The following KANK4 variants were observed in gnomAD, a reference collection of about 807,000 sequenced individuals.
KANK4 encodes the protein KN motif and ankyrin repeat domains 4.
KANK4 carries 50 observed loss-of-function variants against 80.8 expected under a neutral mutation model. The observed-to-expected ratio is 0.62, with a 90% CI of 0.49 to 0.78. KANK4 has a LOEUF of 0.78. Ranked by LOEUF, KANK4 falls within the 30% of genes least tolerant of loss-of-function variation. The probability of loss-of-function intolerance (pLI) is 0.00; values close to 1 mark genes in which losing one functional copy is unlikely to be tolerated. For missense variants in KANK4, 1,196 were observed against 1,240.1 expected, an observed-to-expected ratio of 0.96 and a Z score of 0.53; for synonymous variants, 465 against 506.9, an observed-to-expected ratio of 0.92 and a Z score of 1.11.
chr1:62,278,344 C>T lies in KANK4; in HGVS notation c.16+3205G>A, dbSNP rs57877072. On this transcript the variant is annotated intron_variant, in intron 2 of 9. Transcript: ENST00000371153. ...TTCTTCCTTCCTTCCTTCCTTCCTTCCTTCCTTCCTTCCTTCCTTCCTTCC... is the reference window on the plus strand; with the variant it reads ...TTCTTCCTTCCTTCCTTCCTTCCTTTCTTCCTTCCTTCCTTCCTTCCTTCC... 3.4e-3 allele frequency among the ~76,000 whole-genome samples: 36 copies of T among 10,686 alleles called. 2 individuals carry two copies. The highest frequency in any genetic ancestry group is 0.025 in the African/African-American group (23 of 908). 7.0% of individuals were successfully genotyped at this position (10,686 alleles called of 152,430 possible).
Position 62,292,834 on chromosome 1 carries a change from C to T in KANK4, c.-70-11200G>A, listed in dbSNP as rs911439024. 2.0e-5 allele frequency among the ~76,000 whole-genome samples: 3 copies of T among 152,198 alleles called. No homozygotes were observed. In the East Asian group the frequency reaches 5.8e-4, roughly 29 times the overall value. On this transcript the variant is annotated intron_variant, in intron 1 of 9. Transcript: ENST00000371153. The stretch of plus-strand genomic sequence containing the variant: ...AATCCAACAGACACGGGTTCAAATG[C>T]TGCTTTTCCTATATATTGAGACCTT...
chr1:62,276,709 G>A (rs112362329), intron 2 of KANK4, among the ~76,000 whole-genome samples: 1 of 150,058 alleles, frequency 6.7e-6, no homozygotes, highest in African/African-American at 2.5e-5. Flanking sequence ...CCCAGGAGGC[G>A]AAGGTTGCAG....
intron 8 of KANK4, among the ~76,000 whole-genome samples, chr1:62,250,315 T>C (rs911444294): frequency 1.3e-5 from 2 of 152,196 alleles, no homozygotes; most frequent in African/African-American, 4.8e-5. Flanking sequence ...CCAGATGACA[T>C]ATGCAGATGG....
At chr1:62,254,371 C>T (rs1004252800) in intron 7 of KANK4, among the ~76,000 whole-genome samples, 13 of 147,638 alleles carry the variant, frequency 8.8e-5, no homozygotes, top group Non-Finnish European at 1.8e-4. Flanking sequence ...CTCAGCCTCT[C>T]GAGTAGCCTG....
chr1:62,303,810 T>A (rs756843797), intron 1 of KANK4, among the ~76,000 whole-genome samples: 16 of 152,104 alleles, frequency 1.1e-4, no homozygotes, highest in South Asian at 6.2e-4. Flanking sequence ...TAATTTCACC[T>A]GTTTTCTTTT....
Position 62,273,541 on chromosome 1 carries a change from GCCT to G in KANK4, c.1560_1562del (p.Gly521del), listed in dbSNP as rs758830857. The G allele has an allele frequency of 1.3e-5, 21 of 1,613,372 alleles. No homozygotes were observed. Among genetic ancestry groups the G allele is most frequent in the Non-Finnish European group, 1.7e-5 (20 of 1,179,506 alleles). ...TCTTTCTGTCGCTGCCCCACAGAAAGCCTCCTGCTCCCCTGGTTCCTCCCTGAG... is the reference window on the plus strand; with the variant it reads ...TCTTTCTGTCGCTGCCCCACAGAAAGCCTGCTCCCCTGGTTCCTCCCTGAG... On this transcript the variant is annotated inframe_deletion, in exon 3 of 10. Coordinates refer to ENST00000371153, the MANE Select transcript of KANK4 (RefSeq NM_181712.5).
chr1:62,258,633 A>T (rs1177624334), intron 7 of KANK4, among the ~76,000 whole-genome samples: 1 of 152,228 alleles, frequency 6.6e-6, no homozygotes, highest in Admixed American at 6.5e-5. Context: ...CATTCATTTA[A>T]CAGACGTTTT....
intron 2 of KANK4, among the ~76,000 whole-genome samples, chr1:62,280,956 A>G (rs1043520070): frequency 3.3e-5 from 5 of 152,206 alleles, no homozygotes; most frequent in African/African-American, 9.7e-5. Context: ...CATTATCTGC[A>G]CATTGGAGTC....
rs566442869 is a variant in KANK4, at chr1:62,253,980, C to T, written c.2540-771G>A. 1.1e-4 allele frequency among the ~76,000 whole-genome samples: 17 copies of T among 152,284 alleles called. No individual in the cohort carries two copies. In the East Asian group the frequency reaches 2.3e-3, roughly 21 times the overall value. Reference sequence around the variant, plus strand: ...GCCCATATGCCTGGAATGCCACCCACGGCTGTGCATTTTGGGTTTCACACT... The same window carrying T: ...GCCCATATGCCTGGAATGCCACCCATGGCTGTGCATTTTGGGTTTCACACT... On this transcript the variant is annotated intron_variant, in intron 7 of 9. Coordinates refer to ENST00000371153, the MANE Select transcript of KANK4 (RefSeq NM_181712.5).
chr1:62,244,918 T>C (rs1671429947), intron 9 of KANK4, among the ~76,000 whole-genome samples: 1 of 152,130 alleles, frequency 6.6e-6, no homozygotes, highest in African/African-American at 2.4e-5. Context: ...ATGCAACAGA[T>C]CCCACAACTC....
intron 7 of KANK4, among the ~76,000 whole-genome samples, chr1:62,262,240 C>T (rs922718264): frequency 2.0e-5 from 3 of 152,160 alleles, no homozygotes; most frequent in African/African-American, 7.2e-5. Flanking sequence ...CCTTGACCAG[C>T]GCTGTAACTT....
intron 1 of KANK4, among the ~76,000 whole-genome samples, chr1:62,301,973 A>T (rs985317595): frequency 1.3e-5 from 2 of 152,004 alleles, no homozygotes; most frequent in East Asian, 3.9e-4. Flanking sequence ...GCACCCCTGA[A>T]GACAGTCATG....
chr1:62,296,549 GGTTTTT>G (rs1013327340), intron 1 of KANK4, among the ~76,000 whole-genome samples: 5 of 152,028 alleles, frequency 3.3e-5, no homozygotes, highest in Admixed American at 6.6e-5. Context: ...TGGTTTTTTT[GGTTTTT>G]GTTTTTGTTT....
chr1:62,289,660 C>CA (rs1235133568), intron 1 of KANK4, among the ~76,000 whole-genome samples: 1 of 145,158 alleles, frequency 6.9e-6, no homozygotes, highest in Non-Finnish European at 1.6e-5. Context: ...GTCATAGTCA[C>CA]ATGTGATTTC....
intron 6 of KANK4, among the ~76,000 whole-genome samples, chr1:62,264,349 G>A (rs1043988342): frequency 6.6e-6 from 1 of 152,106 alleles, no homozygotes; most frequent in Admixed American, 6.5e-5. Flanking sequence ...CCCGGGAGGT[G>A]GAGGTTGTGT....
rs576854797 is a variant in KANK4 at position 62,236,368 on chromosome 1, G to A, written c.*1909C>T. On this transcript the variant is annotated 3_prime_UTR_variant, in exon 10 of 10. Transcript: ENST00000371153. ...TAAATGTTCGCGAAGCACCGGGCTA[G>A]AACATTTATTAACGTAGGATGTTGC... 1.6e-4 allele frequency among the ~76,000 whole-genome samples: 24 copies of A among 152,262 alleles called. No homozygotes were observed. The highest frequency in any genetic ancestry group is 5.5e-4 in the African/African-American group (23 of 41,544).
Position 62,263,312 on chromosome 1 carries a change from C to T in KANK4, c.2320-1G>A. On this transcript the variant is annotated splice_acceptor_variant, in intron 6 of 9. Transcript: ENST00000371153. LOFTEE classifies it high-confidence loss of function. Reference sequence around the variant, plus strand: ...GACTGATGGTGTTCAAGCTTTGCCTCTGAAACCCCAAAAAAGACCAATTCC... The same window carrying T: ...GACTGATGGTGTTCAAGCTTTGCCTTTGAAACCCCAAAAAAGACCAATTCC... 6.2e-7 allele frequency: 1 copy of T among 1,612,188 alleles called. No individual in the cohort carries two copies. Among genetic ancestry groups the T allele is most frequent in the Non-Finnish European group, 8.5e-7 (1 of 1,179,398 alleles).
intron 7 of KANK4, among the ~76,000 whole-genome samples, chr1:62,254,365 G>A (rs1470582120): frequency 1.3e-5 from 2 of 152,114 alleles, no homozygotes; most frequent in East Asian, 3.9e-4. Context: ...TCCTGCCTCA[G>A]CCTCTCGAGT....
chr1:62,240,027 C>A (rs976791658), intron 9 of KANK4, among the ~76,000 whole-genome samples: 1 of 152,154 alleles, frequency 6.6e-6, no homozygotes, highest in East Asian at 1.9e-4. Context: ...TGGGTATATA[C>A]CCAGTAATGG....
Sources: allele counts gnomAD v4.1 joint callset (sites outside exome capture counted in the v4.1 genomes callset), GRCh38; gene constraint gnomAD v4.1.1; transcripts MANE v1.5; gene names NCBI Gene and HGNC (gene_info 2026-07-23, HGNC 2026-07-21).